Variants in STX16 observed in about 807,000 individuals in gnomAD.
STX16 encodes syntaxin-16.
STX16 carries 28 observed loss-of-function variants against 42.7 expected under a neutral mutation model. That is an observed-to-expected ratio of 0.66 (90% CI 0.49 to 0.90). STX16 has a LOEUF of 0.90. STX16 is among the 40% of genes least tolerant of loss of function. The probability of loss-of-function intolerance (pLI) is 0.00; values close to 1 mark genes in which losing one functional copy is unlikely to be tolerated. For synonymous variants in STX16, 156 were observed against 155.2 expected (o/e 1.00, Z -0.04); for missense variants, 361 against 420.9 (o/e 0.86, Z 1.24).
intron 7 of STX16, 107 bp downstream of exon 7, chr20:58,671,404 CA>C: frequency 9.8e-7 from 1 of 1,019,952 alleles, no homozygotes; most frequent in Non-Finnish European, 1.4e-6. Context: ...ATTTTCCCAA[CA>C]TGTGTGTGCA....
At position 58,670,543 on chromosome 20, in the gene STX16, T is replaced by A. The variant is rs1200964934; in HGVS notation, c.588T>A (p.His196Gln). The A allele has an allele frequency of 2.5e-6, 4 of 1,613,930 alleles. No homozygotes were observed. Among genetic ancestry groups the A allele is most frequent in the African/African-American group, 1.3e-5 (1 of 74,922 alleles). Reference sequence around the variant, plus strand: ...AGAATCGAGAGGAAAGATCCCAGCATTTTTTCGACACATCAGTACCACTAA... The same window carrying A: ...AGAATCGAGAGGAAAGATCCCAGCAATTTTTCGACACATCAGTACCACTAA... ...RMKNREERSQ[H>Q]FFDTSVPLMD... Residue 196 changes from histidine (H) to glutamine (Q), a missense_variant, in exon 6 of 9, where the codon CAT becomes CAA. Physicochemically the swap from His to Gln is conservative, Grantham distance 24. Coordinates refer to ENST00000371141, the MANE Select transcript of STX16 (RefSeq NM_001001433.3).
chr20:58,666,729 G>C (rs1409127885), intron 2 of STX16, among the ~76,000 whole-genome samples: 1 of 152,040 alleles, frequency 6.6e-6, no homozygotes, highest in East Asian at 1.9e-4. Context: ...GCGCCCAGCC[G>C]ATTTCCCTCC....
chr20:58,670,551 A>T lies in STX16; in HGVS notation c.596A>T (p.Asp199Val). ...GAGGAAAGATCCCAGCATTTTTTCG[A>T]CACATCAGTACCACTAATGGATGAT... ...NREERSQHFFDTSVPLMDDGD... is the reference protein window; with the variant it reads ...NREERSQHFFVTSVPLMDDGD... The change falls in exon 6 of 9, where the codon GAC becomes GTC. Residue 199 changes from aspartate (D) to valine (V), a missense_variant. Physicochemically the swap from Asp to Val is radical, Grantham distance 152. Coordinates refer to ENST00000371141, the MANE Select transcript of STX16 (RefSeq NM_001001433.3). The T allele has an allele frequency of 1.2e-6, 2 of 1,614,070 alleles. No homozygotes were observed. Among genetic ancestry groups the T allele is most frequent in the Non-Finnish European group, 1.7e-6 (2 of 1,179,982 alleles).
At chr20:58,654,482 A>G (rs2083544258) in intron 1 of STX16, among the ~76,000 whole-genome samples, 1 of 152,240 alleles carries the variant, frequency 6.6e-6, no homozygotes, top group Admixed American at 6.5e-5. Flanking sequence ...AATGCTAACA[A>G]GACTAAATAG....
chr20:58,667,637 A>G (rs1385860053), intron 3 of STX16, 40 bp downstream of exon 3: 1 of 1,527,272 alleles, frequency 6.5e-7, no homozygotes, highest in Non-Finnish European at 9.1e-7. Flanking sequence ...TGTTTTTTTA[A>G]GTAATTATGA....
intron 1 of STX16, chr20:58,652,446 A>G (rs1397894196): frequency 7.1e-6 from 3 of 424,234 alleles, no homozygotes; most frequent in Non-Finnish European, 1.3e-5. Flanking sequence ...TTTTAACGCT[A>G]ACATTGGGAA....
Position 58,676,209 on chromosome 20 carries a change from A to C in STX16, c.896A>C (p.Asn299Thr). Reference sequence around the variant, plus strand: ...TAGGCAGAACAGTATCAAAAGAAGAATCGGAAGATGCTTGTGATTTTAATA... The same window carrying C: ...TAGGCAGAACAGTATCAAAAGAAGACTCGGAAGATGCTTGTGATTTTAATA... ...LHKAEQYQKKNRKMLVILILF... is the reference protein window; with the variant it reads ...LHKAEQYQKKTRKMLVILILF... The change falls in exon 9 of 9, where the codon AAT becomes ACT. Residue 299 changes from asparagine (N) to threonine (T), a missense_variant. Coordinates refer to ENST00000371141, the MANE Select transcript of STX16 (RefSeq NM_001001433.3). 6.2e-7 allele frequency: 1 copy of C among 1,614,200 alleles called. No homozygotes were observed. The highest frequency in any genetic ancestry group is 1.1e-5 in the South Asian group (1 of 91,080).
At chr20:58,672,214 A>G (rs574646726) in intron 7 of STX16, among the ~76,000 whole-genome samples, 2 of 152,202 alleles carry the variant, frequency 1.3e-5, no homozygotes, top group East Asian at 3.9e-4. Context: ...AGGTGCCTGT[A>G]ACAGCTACTC....
In STX16 at chr20:58,667,393, G is replaced by A. The variant is rs773116795; in HGVS notation, c.145-97G>A. ...AGAGAGTAAACATTCACTCCTTTCT[G>A]TATCTTTTCAGGGAGTAACATTTAA... On this transcript the variant is annotated intron_variant, in intron 2 of 8. Transcript: ENST00000371141. The A allele has an allele frequency of 6.5e-5, 65 of 1,007,576 alleles. 1 individual carries two copies. Among genetic ancestry groups the A allele is most frequent in the African/African-American group, 9.5e-5 (6 of 62,892 alleles). 62.4% of individuals were successfully genotyped at this position (1,007,576 alleles called of 1,614,324 possible).
Position 58,651,943 on chromosome 20 carries a change from G to C in STX16, c.-64G>C, listed in dbSNP as rs2083465623. 1 of 1,565,354 alleles carries C rather than the reference G, an allele frequency of 6.4e-7. No homozygotes were observed. The highest frequency in any genetic ancestry group is 8.8e-7 in the Non-Finnish European group (1 of 1,139,760). On this transcript the variant is annotated 5_prime_UTR_variant, in exon 1 of 9. Transcript: ENST00000371141. ...GGCCAGCCGGGCCACGAGAAAGAAAGTGAATAAATCAGGAATATAAGTGGG... is the reference window on the plus strand; with the variant it reads ...GGCCAGCCGGGCCACGAGAAAGAAACTGAATAAATCAGGAATATAAGTGGG...
chr20:58,673,111 A>C (rs2084019885), intron 7 of STX16, among the ~76,000 whole-genome samples: 1 of 152,114 alleles, frequency 6.6e-6, no homozygotes, highest in Non-Finnish European at 1.5e-5. Flanking sequence ...CCAAATTTTT[A>C]ATTTTAGGTG....
chr20:58,663,049 C>T (rs1459048032), intron 2 of STX16, among the ~76,000 whole-genome samples: 5 of 152,188 alleles, frequency 3.3e-5, no homozygotes, highest in African/African-American at 4.8e-5. Flanking sequence ...CAGAGTTTCA[C>T]GTGGAAGTGT....
chr20:58,655,402 T>C (rs1192629748), intron 1 of STX16, among the ~76,000 whole-genome samples: 6 of 152,326 alleles, frequency 3.9e-5, no homozygotes, highest in African/African-American at 1.4e-4. Flanking sequence ...TTATTGTGTG[T>C]CCCTGTGCGT....
rs1281767807 is a variant in STX16 at position 58,671,271 on chromosome 20, G to A, written c.766G>A (p.Asp256Asn). ...TTCTGACCTGAATGAAATATTCAGG[G>A]ACTTAGGGGCGATGATTGTAGAACA... Reference protein sequence around the residue: ...SISDLNEIFRDLGAMIVEQGT... With the variant: ...SISDLNEIFRNLGAMIVEQGT... The change falls in exon 7 of 9, where the codon GAC becomes AAC. Residue 256 changes from aspartate to asparagine, a missense_variant. Transcript: ENST00000371141. The A allele has an allele frequency of 6.2e-7, 1 of 1,613,264 alleles. No homozygotes were observed. Among genetic ancestry groups the A allele is most frequent in the Non-Finnish European group, 8.5e-7 (1 of 1,179,634 alleles).
At chr20:58,656,095 A>G (rs1445275461) in intron 1 of STX16, among the ~76,000 whole-genome samples, 2 of 152,220 alleles carry the variant, frequency 1.3e-5, no homozygotes, top group Admixed American at 6.5e-5. Flanking sequence ...CTGCAGGCTC[A>G]GAGTGTGTCC....
chr20:58,661,890 C>T (rs937040357), intron 2 of STX16, among the ~76,000 whole-genome samples: 1 of 152,218 alleles, frequency 6.6e-6, no homozygotes, highest in African/African-American at 2.4e-5. Context: ...GTGAATATCA[C>T]TTGCATCTCC....
chr20:58,654,911 C>A (rs777298474), intron 1 of STX16, among the ~76,000 whole-genome samples: 2 of 152,016 alleles, frequency 1.3e-5, no homozygotes, highest in South Asian at 4.1e-4. Context: ...AGTATGTGTG[C>A]GACATTTTAC....
intron 4 of STX16, 29 bp from the exon 5 acceptor site, chr20:58,669,262 T>A: frequency 3.7e-6 from 6 of 1,605,862 alleles, no homozygotes; most frequent in Non-Finnish European, 5.1e-6. Context: ...CTCCCAGGCT[T>A]GCCCTGAGCC....
At chr20:58,654,780 A>C (rs952203624) in intron 1 of STX16, among the ~76,000 whole-genome samples, 5 of 152,244 alleles carry the variant, frequency 3.3e-5, no homozygotes, top group Non-Finnish European at 5.9e-5. Context: ...ATTTTATTAG[A>C]GATGCCTACT....
Sources: allele counts gnomAD v4.1 joint callset (sites outside exome capture counted in the v4.1 genomes callset), GRCh38; gene constraint gnomAD v4.1.1; transcripts MANE v1.5; gene names NCBI Gene and HGNC (gene_info 2026-07-23, HGNC 2026-07-21).